Variants in SCAPER observed in about 807,000 individuals in gnomAD.
SCAPER encodes S phase cyclin A-associated protein in the endoplasmic reticulum.
In SCAPER, 98 loss-of-function variants were observed where a neutral mutation model predicts 182.2. The observed-to-expected ratio is 0.54, with a 90% CI of 0.46 to 0.64. The LOEUF (loss-of-function observed/expected upper bound fraction) is 0.64, where lower values mean the gene tolerates loss of function less well. Among genes scored for constraint, SCAPER ranks in the 30% least tolerant of loss-of-function variants. The probability of loss-of-function intolerance (pLI) is 0.00; values close to 1 mark genes in which losing one functional copy is unlikely to be tolerated. For synonymous variants in SCAPER, 605 were observed against 564.6 expected (o/e 1.07, Z -1.01); for missense variants, 1,432 against 1,690.0 (o/e 0.85, Z 2.68).
At chr15:76,609,000 G>A (rs1013998333) in intron 22 of SCAPER, among the ~76,000 whole-genome samples, 18 of 152,144 alleles carry the variant, frequency 1.2e-4, no homozygotes, top group South Asian at 1.0e-3. Flanking sequence ...GCCCTGCTTC[G>A]GCTCGCGCAC....
At chr15:76,577,325 T>A (rs940967657) in intron 22 of SCAPER, among the ~76,000 whole-genome samples, 1 of 152,170 alleles carries the variant, frequency 6.6e-6, no homozygotes, top group Non-Finnish European at 1.5e-5. Context: ...CACACACTTG[T>A]AGTCCCACCT....
chr15:76,897,587 G>C (rs750585937), intron 1 of SCAPER, among the ~76,000 whole-genome samples: 2 of 152,040 alleles, frequency 1.3e-5, no homozygotes, highest in Admixed American at 6.5e-5. Context: ...TGCACCTGAA[G>C]TCCCAGGTAC....
chr15:76,357,877 G>A (rs1053745492), intron 29 of SCAPER, among the ~76,000 whole-genome samples: 2 of 152,132 alleles, frequency 1.3e-5, no homozygotes, highest in African/African-American at 4.8e-5. Flanking sequence ...CCTATAAGTG[G>A]GAGCTAAATA....
intron 17 of SCAPER, among the ~76,000 whole-genome samples, chr15:76,714,849 T>A (rs2059800451): frequency 6.6e-6 from 1 of 152,100 alleles, no homozygotes; most frequent in Admixed American, 6.5e-5. Context: ...GTGGAGCTTA[T>A]CCCAGAAATG....
chr15:76,579,425 G>GT (rs1200793179), intron 22 of SCAPER, among the ~76,000 whole-genome samples: 1 of 151,608 alleles, frequency 6.6e-6, no homozygotes, highest in East Asian at 1.9e-4. Flanking sequence ...TTGTTATTTA[G>GT]TTTTTTTATG....
intron 10 of SCAPER, among the ~76,000 whole-genome samples, chr15:76,770,926 T>C (rs1169172042): frequency 6.6e-6 from 1 of 152,078 alleles, no homozygotes; most frequent in Non-Finnish European, 1.5e-5. Context: ...CTTTTCCTTT[T>C]TACCCTTAAA....
chr15:76,636,821 C>T (rs1204107039), intron 21 of SCAPER, among the ~76,000 whole-genome samples: 2 of 152,076 alleles, frequency 1.3e-5, no homozygotes, highest in Admixed American at 6.6e-5. Flanking sequence ...AAAATTGGTT[C>T]TCACAGTTTT....
chr15:76,377,669 T>C (rs1431557739), intron 28 of SCAPER, among the ~76,000 whole-genome samples: 1 of 152,162 alleles, frequency 6.6e-6, no homozygotes, highest in East Asian at 1.9e-4. Context: ...CAGAGTGAAA[T>C]CAGACTCTTT....
intron 24 of SCAPER, among the ~76,000 whole-genome samples, chr15:76,489,079 A>G (rs1181391240): frequency 6.7e-6 from 1 of 150,276 alleles, no homozygotes; most frequent in East Asian, 2.0e-4. Flanking sequence ...CTTGGCACAT[A>G]TATTCTTTTT....
At chr15:76,561,762 C>A (rs910970961) in intron 23 of SCAPER, among the ~76,000 whole-genome samples, 2 of 150,596 alleles carry the variant, frequency 1.3e-5, no homozygotes, top group African/African-American at 4.9e-5. Context: ...CAGGCTGGAG[C>A]GTAATGGCTC....
rs2044035454 is a variant in SCAPER at position 76,535,310 on chromosome 15, TC to T, written c.2839-30337del. On this transcript the variant is annotated intron_variant, in intron 23 of 31. Coordinates refer to ENST00000563290, the MANE Select transcript of SCAPER (RefSeq NM_020843.4). ...AGGCCGAGGCGGGCGGATCACAAGGTCAGGAGATCGAGACCATCCTGGCTAA... is the reference window on the plus strand; with the variant it reads ...AGGCCGAGGCGGGCGGATCACAAGGTAGGAGATCGAGACCATCCTGGCTAA... Among the ~76,000 whole-genome samples the T allele has an allele frequency of 4.0e-5, 6 of 151,422 alleles. No homozygotes were observed. In the South Asian group the frequency reaches 1.3e-3, roughly 32 times the overall value.
At chr15:76,587,122 T>C (rs543212450) in intron 22 of SCAPER, among the ~76,000 whole-genome samples, 1 of 152,296 alleles carries the variant, frequency 6.6e-6, no homozygotes, top group East Asian at 1.9e-4. Flanking sequence ...CCTTGAATGA[T>C]CTTTTGTATT....
chr15:76,380,437 C>T (rs1199039834), intron 28 of SCAPER: 1 of 151,750 alleles, frequency 6.6e-6, no homozygotes, highest in African/African-American at 2.4e-5. Context: ...CTTTTTTGAA[C>T]AAAATGACAG....
chr15:76,660,802 T>C (rs1446894796), intron 21 of SCAPER, among the ~76,000 whole-genome samples: 5 of 152,044 alleles, frequency 3.3e-5, no homozygotes, highest in Non-Finnish European at 5.9e-5. Flanking sequence ...CCAGATACCA[T>C]GTTCATGTAC....
At chr15:76,814,075 G>A (rs1214221219) in intron 5 of SCAPER, among the ~76,000 whole-genome samples, 1 of 152,054 alleles carries the variant, frequency 6.6e-6, no homozygotes, top group Non-Finnish European at 1.5e-5. Context: ...GGCTGAGGCA[G>A]AAGAATTGTT....
rs369923346 is a variant in SCAPER, at chr15:76,616,669, C to T, written c.2711+5095G>A. 1.1e-4 allele frequency among the ~76,000 whole-genome samples: 16 copies of T among 152,134 alleles called. No individual in the cohort carries two copies. The East Asian group carries it at 2.7e-3, about 26-fold the overall frequency. On this transcript the variant is annotated intron_variant, in intron 22 of 31. Coordinates refer to ENST00000563290, the MANE Select transcript of SCAPER (RefSeq NM_020843.4). ...TTTAAAAAATGAAAAAAAGTACAGTCGTAGCCATCTATGTCTCCTAAATAT... is the reference window on the plus strand; with the variant it reads ...TTTAAAAAATGAAAAAAAGTACAGTTGTAGCCATCTATGTCTCCTAAATAT...
intron 17 of SCAPER, among the ~76,000 whole-genome samples, chr15:76,723,232 A>G (rs1293820855): frequency 6.6e-6 from 1 of 152,120 alleles, no homozygotes; most frequent in Non-Finnish European, 1.5e-5. Context: ...CATGAAGTTT[A>G]GCAGTTTTGA....
At chr15:76,854,217 C>T (rs1173231784) in intron 4 of SCAPER, among the ~76,000 whole-genome samples, 1 of 151,824 alleles carries the variant, frequency 6.6e-6, no homozygotes, top group African/African-American at 2.4e-5. Context: ...TGTGGTGAGC[C>T]GAGATCATGC....
intron 24 of SCAPER, among the ~76,000 whole-genome samples, chr15:76,482,992 C>T (rs2051273172): frequency 6.6e-6 from 1 of 151,990 alleles, no homozygotes; most frequent in African/African-American, 2.4e-5. Flanking sequence ...TACTGATAAA[C>T]TGATTTTAAA....
Sources: allele counts gnomAD v4.1 joint callset (sites outside exome capture counted in the v4.1 genomes callset), GRCh38; gene constraint gnomAD v4.1.1; transcripts MANE v1.5; gene names NCBI Gene and HGNC (gene_info 2026-07-23, HGNC 2026-07-21).